Variants in COX11 observed in about 807,000 individuals in gnomAD.
COX11 encodes the protein cytochrome c oxidase assembly protein COX11, mitochondrial.
In COX11, 18 loss-of-function variants were observed where a neutral mutation model predicts 29.4. The ratio of observed to expected loss-of-function variants is 0.61; its 90% CI spans 0.42 to 0.91. The LOEUF is 0.91. Among genes scored for constraint, COX11 ranks in the 40% least tolerant of loss-of-function variants. The pLI is 0.00. For synonymous variants in COX11, 131 were observed against 124.0 expected, an observed-to-expected ratio of 1.06 and a Z score of -0.38; for missense variants, 312 against 346.0, an observed-to-expected ratio of 0.90 and a Z score of 0.78.
chr17:54,960,647 C>G lies in COX11; in HGVS notation c.*2086G>C. On this transcript the variant is annotated 3_prime_UTR_variant, in exon 4 of 4. Transcript: ENST00000299335. ...ACTGAGGTAAAGACTTCAACTTATA[C>G]AACTTAATTCCATATTCCATATAAT... 6.5e-7 allele frequency: 1 copy of G among 1,550,056 alleles called. No individual in the cohort carries two copies. The highest frequency in any genetic ancestry group is 1.4e-5 in the African/African-American group (1 of 73,686).
At chr17:54,962,982 T>G in intron 3 of COX11, 67 bp from the exon 4 acceptor site, 2 of 1,368,206 alleles carry the variant, frequency 1.5e-6, no homozygotes, top group Non-Finnish European at 2.0e-6. Context: ...ACTATACAGT[T>G]CTTTTATCTT....
At position 54,961,336 on chromosome 17, in the gene COX11, T is replaced by C. The variant is rs1468020723; in HGVS notation, c.*1397A>G. The C allele has an allele frequency of 2.6e-6, 4 of 1,551,464 alleles. No homozygotes were observed. The highest frequency in any genetic ancestry group is 3.5e-6 in the Non-Finnish European group (4 of 1,146,852). On this transcript the variant is annotated 3_prime_UTR_variant, in exon 4 of 4. Transcript: ENST00000299335. ...GCCTGGAAGACAATACCTACCAACA[T>C]GTCAAAGCCATGGTGGCACATTTCT... is the stretch of plus-strand genomic sequence containing the variant.
chr17:54,961,081 C>T lies in COX11; in HGVS notation c.*1652G>A. On this transcript the variant is annotated 3_prime_UTR_variant, in exon 4 of 4. Coordinates refer to ENST00000299335, the MANE Select transcript of COX11 (RefSeq NM_004375.5). ...ATGAACTATCAAAACTTATTTATTC[C>T]CCTTATACCCTCCCCTATGGAAGAA... 1 of 645,014 alleles carries T rather than the reference C, an allele frequency of 1.6e-6. No individual in the cohort carries two copies. The highest frequency in any genetic ancestry group is 2.5e-4 in the Middle Eastern group (1 of 4,018). 40.0% of individuals were successfully genotyped at this position (645,014 alleles called of 1,614,324 possible).
At chr17:54,956,507 C>T (rs2049510888), downstream of COX11, among the ~76,000 whole-genome samples, 1 of 152,100 alleles carries the variant, frequency 6.6e-6, no homozygotes, top group African/African-American at 2.4e-5. Flanking sequence ...AGGGTTTTGC[C>T]ACGTTGCCCA....
intron 1 of COX11, among the ~76,000 whole-genome samples, chr17:54,965,812 C>T (rs1224922577): frequency 1.3e-5 from 2 of 149,938 alleles, no homozygotes; most frequent in South Asian, 2.1e-4. Context: ...GCCTGGGCAA[C>T]AGAGCAAGAC....
chr17:54,967,374 T>C lies in COX11; in HGVS notation c.366+907A>G, dbSNP rs549032951. 8.5e-5 allele frequency among the ~76,000 whole-genome samples: 13 copies of C among 152,288 alleles called. No individual in the cohort carries two copies. The South Asian group carries it at 2.7e-3, about 32-fold the overall frequency. ...CCCTAGACTTCCTAACCAGAATCTC[T>C]GGGGTAGGGGATCCCTGGAACGTGT... On this transcript the variant is annotated intron_variant, in intron 1 of 3. Coordinates refer to ENST00000299335, the MANE Select transcript of COX11 (RefSeq NM_004375.5).
chr17:54,962,840 C>T lies in COX11; in HGVS notation c.724G>A (p.Glu242Lys). The change falls in exon 4 of 4, where the codon GAA becomes AAA. Residue 242 changes from glutamate (E) to lysine (K), a missense_variant. By Grantham distance (56) the Glu-to-Lys change is moderately conservative. Around this residue, in one of 2 missense-constraint regions of COX11, gnomAD observed 182 missense variants for 240.0 expected, o/e 0.76. Coordinates refer to ENST00000299335, the MANE Select transcript of COX11 (RefSeq NM_004375.5). ...DMPVFFYIDPEFAEDPRMIKV... is the reference protein window; with the variant it reads ...DMPVFFYIDPKFAEDPRMIKV... Reference sequence around the variant, plus strand: ...ATCATTCTTGGATCTTCAGCAAATTCAGGATCAATGTAGAAAAACACTGGC... The same window carrying T: ...ATCATTCTTGGATCTTCAGCAAATTTAGGATCAATGTAGAAAAACACTGGC... 6.2e-7 allele frequency: 1 copy of T among 1,613,134 alleles called. No individual in the cohort carries two copies. Among genetic ancestry groups the T allele is most frequent in the Non-Finnish European group, 8.5e-7 (1 of 1,179,340 alleles).
intron 1 of COX11, among the ~76,000 whole-genome samples, chr17:54,967,666 CG>C (rs2077272467): frequency 7.0e-6 from 1 of 143,048 alleles, no homozygotes; most frequent in South Asian, 2.5e-4. Context: ...AACAGGTTCC[CG>C]GGTGATGCTG....
chr17:54,964,945 A>G (rs1567857103), intron 1 of COX11, 93 bp from the exon 2 acceptor site: 1 of 1,267,428 alleles, frequency 7.9e-7, no homozygotes, highest in Non-Finnish European at 1.1e-6. Context: ...AGTATTTATA[A>G]TCCATTTGGA....
At chr17:54,967,408 T>A (rs2077257915) in intron 1 of COX11, among the ~76,000 whole-genome samples, 1 of 152,178 alleles carries the variant, frequency 6.6e-6, no homozygotes, top group Non-Finnish European at 1.5e-5. Flanking sequence ...GTATTTAACG[T>A]TAAGCTCCAT....
intron 3 of COX11, 182 bp from the exon 4 acceptor site, chr17:54,963,097 TGAA>T: frequency 1.3e-6 from 1 of 783,556 alleles, no homozygotes; most frequent in African/African-American, 1.8e-5. Flanking sequence ...GCTTTAAGGA[TGAA>T]GAACAAATTC....
At chr17:54,960,225 C>G (rs1395660862), downstream of COX11, among the ~76,000 whole-genome samples, 1 of 151,890 alleles carries the variant, frequency 6.6e-6, no homozygotes, top group Admixed American at 6.6e-5. Context: ...ATTAGCTGGG[C>G]ATGGTTGTGT....
At chr17:54,963,043 G>A in intron 3 of COX11, 128 bp from the exon 4 acceptor site, 1 of 855,788 alleles carries the variant, frequency 1.2e-6, no homozygotes, top group Non-Finnish European at 1.8e-6. Flanking sequence ...TAAATACACA[G>A]TTCTGTGATA....
chr17:54,965,470 C>T (rs1459794230), intron 1 of COX11, among the ~76,000 whole-genome samples: 1 of 152,102 alleles, frequency 6.6e-6, no homozygotes, highest in Non-Finnish European at 1.5e-5. Context: ...GCACCTAATC[C>T]CTATGGCCAC....
At position 54,960,514 on chromosome 17, in the gene COX11, T is replaced by C; in HGVS notation, c.*2219A>G. 1 of 1,468,638 alleles carries C rather than the reference T, an allele frequency of 6.8e-7. No individual in the cohort carries two copies. 91.0% of individuals were successfully genotyped at this position (1,468,638 alleles called of 1,614,324 possible). On this transcript the variant is annotated 3_prime_UTR_variant, in exon 4 of 4. Coordinates refer to ENST00000299335, the MANE Select transcript of COX11 (RefSeq NM_004375.5). ...CAGTGCTGGCAGTTAAAAACCAAAA[T>C]AGCACTTTGAAATTGATACATAACC...
downstream of COX11, chr17:54,959,153 A>AT (rs1401421565): frequency 6.6e-6 from 1 of 152,206 alleles, no homozygotes; most frequent in Non-Finnish European, 1.5e-5. Flanking sequence ...TTAGGGAAAC[A>AT]TTAAAATTGT....
chr17:54,963,975 C>T (rs1638883404), intron 2 of COX11, among the ~76,000 whole-genome samples: 1 of 152,040 alleles, frequency 6.6e-6, no homozygotes, highest in East Asian at 1.9e-4. Context: ...CCACTAATAC[C>T]TTTGTATACT....
chr17:54,965,912 A>T (rs953925386), intron 1 of COX11, among the ~76,000 whole-genome samples: 1 of 152,168 alleles, frequency 6.6e-6, no homozygotes, highest in Non-Finnish European at 1.5e-5. Flanking sequence ...ATTTCTGGAT[A>T]ATTTGCCTGT....
chr17:54,953,727 T>C (rs1164587151), exon 1 of COX11: 3 of 152,242 alleles, frequency 2.0e-5, no homozygotes, highest in African/African-American at 7.2e-5. Flanking sequence ...TTGTCTTCCT[T>C]TTCATCAGAT....
Sources: gnomAD v4.1 joint callset for allele counts (sites outside exome capture counted in the v4.1 genomes callset) on GRCh38, gnomAD v4.1.1 for gene constraint, gnomAD v4.1.1 regional missense constraint, MANE v1.5 for transcripts, NCBI Gene and HGNC (gene_info 2026-07-23, HGNC 2026-07-21) for gene names.